Variants in RALGAPA1 observed in about 807,000 individuals in gnomAD.
RALGAPA1 encodes the protein ral GTPase-activating protein subunit alpha-1.
RALGAPA1 carries 52 observed loss-of-function variants against 269.6 expected under a neutral mutation model. That is an observed-to-expected ratio of 0.19 (90% CI 0.15 to 0.24). The LOEUF is 0.24. RALGAPA1 is among the 10% of genes least tolerant of loss of function. RALGAPA1 has a pLI of 1.00. For synonymous variants in RALGAPA1, 817 were observed against 1,008.3 expected, an observed-to-expected ratio of 0.81 and a Z score of 3.60; for missense variants, 1,917 against 3,013.9, an observed-to-expected ratio of 0.64 and a Z score of 8.52.
chr14:35,784,143 AAAAG>A (rs1168349959), intron 1 of RALGAPA1, among the ~76,000 whole-genome samples: 2 of 152,090 alleles, frequency 1.3e-5, no homozygotes, highest in African/African-American at 2.4e-5. Context: ...AAAAAAAAGA[AAAAG>A]AAAGAAAATG....
At chr14:35,645,214 G>C (rs1315776167) in intron 31 of RALGAPA1, among the ~76,000 whole-genome samples, 1 of 152,028 alleles carries the variant, frequency 6.6e-6, no homozygotes, top group Non-Finnish European at 1.5e-5. Flanking sequence ...CCATTGATGA[G>C]GGCTTCATCC....
At chr14:35,775,884 T>C (rs1408190925) in intron 1 of RALGAPA1, 139 bp from the exon 2 acceptor site, 1 of 883,692 alleles carries the variant, frequency 1.1e-6, no homozygotes, top group Admixed American at 4.3e-5. Context: ...AATATATATT[T>C]CTATGTCTAT....
chr14:35,591,314 A>C (rs916789196), intron 37 of RALGAPA1, among the ~76,000 whole-genome samples: 1 of 151,352 alleles, frequency 6.6e-6, no homozygotes, highest in Non-Finnish European at 1.5e-5. Flanking sequence ...GTATGTATGT[A>C]TGTATGTATG....
chr14:35,775,424 C>T (rs939403046), intron 2 of RALGAPA1, among the ~76,000 whole-genome samples: 1 of 152,122 alleles, frequency 6.6e-6, no homozygotes, highest in African/African-American at 2.4e-5. Context: ...AGCAAATCTT[C>T]AAGCCATTGT....
At chr14:35,746,432 C>G (rs1168170745) in intron 10 of RALGAPA1, among the ~76,000 whole-genome samples, 1 of 152,054 alleles carries the variant, frequency 6.6e-6, no homozygotes, top group Admixed American at 6.6e-5. Context: ...GAAATTTTAT[C>G]TATGTAAGGC....
At chr14:35,795,479 A>G (rs1380440518) in intron 1 of RALGAPA1, among the ~76,000 whole-genome samples, 1 of 152,170 alleles carries the variant, frequency 6.6e-6, no homozygotes, top group African/African-American at 2.4e-5. Context: ...AGAGCTGGGA[A>G]GAGTGCTTGT....
chr14:35,738,738 G>A, intron 11 of RALGAPA1, 88 bp from the exon 12 acceptor site: 2 of 1,014,240 alleles, frequency 2.0e-6, no homozygotes. Flanking sequence ...GAAATTGTTA[G>A]GTCCCACTGC....
chr14:35,538,513 T>C lies in RALGAPA1; in HGVS notation c.*1201A>G, dbSNP rs2053708914. The C allele has an allele frequency of 6.6e-6, 1 of 152,656 alleles. No individual in the cohort carries two copies. Among genetic ancestry groups the C allele is most frequent in the Admixed American group, 6.5e-5 (1 of 15,286 alleles). 9.5% of individuals were successfully genotyped at this position (152,656 alleles called of 1,614,324 possible). A position where few individuals can be genotyped will look rare whatever the true frequency, so the allele number is the denominator to read the frequency against. On this transcript the variant is annotated 3_prime_UTR_variant, in exon 42 of 42. Coordinates refer to ENST00000680220, the MANE Select transcript of RALGAPA1 (RefSeq NM_001346249.2). ...TTTACACATGCAGTTAGTACCAATGTCATGCTACATTTCCTCAGGAGATGC... is the reference window on the plus strand; with the variant it reads ...TTTACACATGCAGTTAGTACCAATGCCATGCTACATTTCCTCAGGAGATGC...
At chr14:35,718,687 G>A (rs1165114207) in intron 16 of RALGAPA1, among the ~76,000 whole-genome samples, 1 of 152,006 alleles carries the variant, frequency 6.6e-6, no homozygotes, top group Admixed American at 6.6e-5. Context: ...GTGGTGGCAT[G>A]TGTCTGTAGT....
intron 9 of RALGAPA1, 118 bp from the exon 10 acceptor site, chr14:35,748,942 C>T (rs765795832): frequency 4.0e-5 from 55 of 1,390,428 alleles, no homozygotes; most frequent in Non-Finnish European, 5.1e-5. Flanking sequence ...GTAATTTATA[C>T]CACTGCTTAA....
At chr14:35,549,650 G>T (rs1396951255) in intron 39 of RALGAPA1, among the ~76,000 whole-genome samples, 1 of 152,106 alleles carries the variant, frequency 6.6e-6, no homozygotes, top group African/African-American at 2.4e-5. Context: ...AAGAAACATT[G>T]TAATGTTGCT....
chr14:35,795,178 A>C (rs2141845182), intron 1 of RALGAPA1, among the ~76,000 whole-genome samples: 1 of 152,294 alleles, frequency 6.6e-6, no homozygotes, highest in East Asian at 1.9e-4. Flanking sequence ...TGACCACTCC[A>C]GCTTACTGAC....
chr14:35,725,822 T>C (rs2069848176), intron 13 of RALGAPA1, among the ~76,000 whole-genome samples: 1 of 152,186 alleles, frequency 6.6e-6, no homozygotes, highest in Non-Finnish European at 1.5e-5. Flanking sequence ...GCTTGATAAT[T>C]AATCAAGGGC....
intron 10 of RALGAPA1, among the ~76,000 whole-genome samples, chr14:35,745,681 T>C (rs2072006071): frequency 6.7e-6 from 1 of 149,160 alleles, no homozygotes; most frequent in South Asian, 2.1e-4. Flanking sequence ...GAAGAACTAC[T>C]TGAACCCGGG....
intron 1 of RALGAPA1, among the ~76,000 whole-genome samples, chr14:35,790,569 T>G (rs958655210): frequency 6.6e-5 from 10 of 151,282 alleles, no homozygotes; most frequent in Admixed American, 6.6e-4. Context: ...GTGCCTGTAA[T>G]CCCAGCTACT....
chr14:35,758,147 G>C (rs1475419126), intron 6 of RALGAPA1, among the ~76,000 whole-genome samples: 2 of 149,204 alleles, frequency 1.3e-5, no homozygotes, highest in Admixed American at 1.4e-4. Flanking sequence ...AGCTACTTTG[G>C]AGCACGAGAA....
intron 26 of RALGAPA1, among the ~76,000 whole-genome samples, chr14:35,670,900 G>A (rs1211470922): frequency 1.3e-5 from 2 of 151,176 alleles, no homozygotes; most frequent in Non-Finnish European, 2.9e-5. Context: ...TCCAGCCTGG[G>A]CGACAGAGTA....
chr14:35,793,659 A>G (rs1343171012), intron 1 of RALGAPA1, among the ~76,000 whole-genome samples: 1 of 152,172 alleles, frequency 6.6e-6, no homozygotes, highest in Non-Finnish European at 1.5e-5. Context: ...CACAACAACA[A>G]CAAAGGGATG....
chr14:35,549,287 AATCTT>A, intron 39 of RALGAPA1, 53 bp from the exon 40 acceptor site: 3 of 1,569,218 alleles, frequency 1.9e-6, no homozygotes, highest in Non-Finnish European at 2.6e-6. Context: ...CTGGAAAAAA[AATCTT>A]ATCAAAAAGG....
Sources: gnomAD v4.1 joint callset for allele counts (sites outside exome capture counted in the v4.1 genomes callset) on GRCh38, gnomAD v4.1.1 for gene constraint, MANE v1.5 for transcripts, NCBI Gene and HGNC (gene_info 2026-07-23, HGNC 2026-07-21) for gene names.